Variants in TLK1 observed in about 807,000 individuals in gnomAD.
TLK1 encodes tousled like kinase 1, also known as serine/threonine-protein kinase tousled-like 1.
A neutral mutation model predicts 105.3 loss-of-function variants in TLK1; 24 were observed. The observed-to-expected ratio is 0.23, with a 90% CI of 0.17 to 0.32. The LOEUF (loss-of-function observed/expected upper bound fraction) is 0.32, where lower values mean the gene tolerates loss of function less well. Among genes scored for constraint, TLK1 ranks in the 10% least tolerant of loss-of-function variants. The pLI, the probability that TLK1 is intolerant of heterozygous loss-of-function variation, is 1.00. For missense variants in TLK1, 558 were observed against 910.5 expected, an observed-to-expected ratio of 0.61 and a Z score of 4.98; for synonymous variants, 321 against 310.4, an observed-to-expected ratio of 1.03 and a Z score of -0.36.
At chr2:171,085,523 A>G (rs954286309) in intron 2 of TLK1, among the ~76,000 whole-genome samples, 1 of 152,236 alleles carries the variant, frequency 6.6e-6, no homozygotes, top group Non-Finnish European at 1.5e-5. Context: ...TAGGAATAAC[A>G]ACCCAGAAAG....
At chr2:171,022,088 C>CACACACACACACAG (rs35020865) in intron 12 of TLK1, among the ~76,000 whole-genome samples, 59,382 of 138,882 alleles carry the variant, frequency 0.43, 14,114 homozygotes, top group East Asian at 0.8. Context: ...GGGCGAAAAA[C>CACACACACACACAG]ACACACACAC....
intron 2 of TLK1, among the ~76,000 whole-genome samples, chr2:171,113,798 A>G (rs187578681): frequency 6.6e-6 from 1 of 152,200 alleles, no homozygotes; most frequent in African/African-American, 2.4e-5. Context: ...TAAACCTATA[A>G]AATTAGTAAC....
intron 1 of TLK1, among the ~76,000 whole-genome samples, chr2:171,126,145 C>T (rs980963320): frequency 6.6e-6 from 1 of 152,190 alleles, no homozygotes; most frequent in Admixed American, 6.5e-5. Flanking sequence ...AATTATGCTA[C>T]TCTTCTTACT....
intron 8 of TLK1, among the ~76,000 whole-genome samples, chr2:171,050,511 A>T (rs1687185547): frequency 6.6e-6 from 1 of 152,186 alleles, no homozygotes; most frequent in South Asian, 2.1e-4. Context: ...TTTGTTAAAA[A>T]TAACTAAAAT....
At chr2:171,121,950 T>C (rs141065868) in intron 1 of TLK1, among the ~76,000 whole-genome samples, 2,076 of 152,242 alleles carry the variant, frequency 0.014, 111 homozygotes, top group Admixed American at 0.1. Flanking sequence ...AATTACTTTT[T>C]GTTTGTTTGT....
intron 11 of TLK1, among the ~76,000 whole-genome samples, chr2:171,033,798 C>G (rs2105401721): frequency 6.8e-6 from 1 of 147,838 alleles, no homozygotes; most frequent in South Asian, 2.2e-4. Flanking sequence ...TTCTGTACAT[C>G]AAAGGATATT....
chr2:171,017,537 TTGA>T (rs1340747812), intron 12 of TLK1, among the ~76,000 whole-genome samples: 1 of 152,224 alleles, frequency 6.6e-6, no homozygotes, highest in African/African-American at 2.4e-5. Flanking sequence ...AAATAGGTTG[TTGA>T]TGAACATAAT....
intron 11 of TLK1, among the ~76,000 whole-genome samples, chr2:171,039,305 A>AC (rs1346471448): frequency 1.3e-5 from 2 of 152,138 alleles, no homozygotes; most frequent in Non-Finnish European, 2.9e-5. Flanking sequence ...TCACTCTGTC[A>AC]CCCAGGCTGG....
chr2:171,226,067 C>T (rs1448761963), intron 1 of TLK1, among the ~76,000 whole-genome samples: 2 of 152,016 alleles, frequency 1.3e-5, no homozygotes, highest in African/African-American at 2.4e-5. Flanking sequence ...AATGGATTTC[C>T]CCTGGTGGAG....
At chr2:171,184,658 AAG>A (rs1253648758) in intron 1 of TLK1, among the ~76,000 whole-genome samples, 1,522 of 149,366 alleles carry the variant, frequency 0.01, 34 homozygotes, top group African/African-American at 0.035. Flanking sequence ...AAAAAAAAAA[AAG>A]AAAGAAAACT....
chr2:171,114,193 T>TA (rs1351358888), intron 2 of TLK1, among the ~76,000 whole-genome samples: 1 of 151,694 alleles, frequency 6.6e-6, no homozygotes, highest in Non-Finnish European at 1.5e-5. Flanking sequence ...AAAAACAAAA[T>TA]AAAAAATCAA....
At chr2:171,065,599 G>A (rs1687953311) in intron 3 of TLK1, among the ~76,000 whole-genome samples, 2 of 151,282 alleles carry the variant, frequency 1.3e-5, no homozygotes, top group African/African-American at 4.9e-5. Flanking sequence ...GTGCAGCGGC[G>A]CAATCTCAGC....
intron 3 of TLK1, among the ~76,000 whole-genome samples, chr2:171,079,779 G>A (rs754566142): frequency 6.6e-6 from 1 of 152,124 alleles, no homozygotes; most frequent in Non-Finnish European, 1.5e-5. Context: ...ATGCTTTCCA[G>A]TTTTAATAGT....
chr2:171,129,467 G>T (rs1691006985), intron 1 of TLK1, among the ~76,000 whole-genome samples: 1 of 152,150 alleles, frequency 6.6e-6, no homozygotes, highest in South Asian at 2.1e-4. Context: ...GACCAAAAAG[G>T]AGGCTGCAAG....
chr2:171,224,153 T>C (rs1693857587), intron 1 of TLK1, among the ~76,000 whole-genome samples: 2 of 152,216 alleles, frequency 1.3e-5, no homozygotes, highest in African/African-American at 2.4e-5. Context: ...TTGGTTTCAT[T>C]CTTCCACATA....
intron 2 of TLK1, among the ~76,000 whole-genome samples, chr2:171,114,971 A>G (rs1238819056): frequency 2.0e-5 from 3 of 152,214 alleles, no homozygotes; most frequent in Non-Finnish European, 4.4e-5. Context: ...CTTCTAACCT[A>G]CAAAACTATA....
chr2:171,178,849 T>C (rs955309718), intron 1 of TLK1, among the ~76,000 whole-genome samples: 4 of 152,232 alleles, frequency 2.6e-5, no homozygotes, highest in Non-Finnish European at 5.9e-5. Flanking sequence ...TAACTTAACA[T>C]TATCAAAACA....
intron 1 of TLK1, among the ~76,000 whole-genome samples, chr2:171,213,631 T>TA (rs1192392712): frequency 2.0e-5 from 3 of 150,854 alleles, no homozygotes; most frequent in Non-Finnish European, 4.4e-5. Flanking sequence ...CAAAAACATG[T>TA]AAAAAAACAT....
At chr2:171,110,690 G>T (rs1160426848) in intron 2 of TLK1, among the ~76,000 whole-genome samples, 2 of 152,152 alleles carry the variant, frequency 1.3e-5, no homozygotes, top group African/African-American at 4.8e-5. Flanking sequence ...ACAGAAAACA[G>T]ATCAGTGGTT....
Sources: allele counts gnomAD v4.1 joint callset (sites outside exome capture counted in the v4.1 genomes callset), GRCh38; gene constraint gnomAD v4.1.1; transcripts MANE v1.5; gene names NCBI Gene and HGNC (gene_info 2026-07-23, HGNC 2026-07-21).